Variants in CCDC3 observed in about 807,000 individuals in gnomAD.
CCDC3 encodes the protein coiled-coil domain-containing protein 3.
A neutral mutation model predicts 21.4 loss-of-function variants in CCDC3; 24 were observed. The ratio of observed to expected loss-of-function variants is 1.12; its 90% CI spans 0.81 to 1.58. The LOEUF (loss-of-function observed/expected upper bound fraction) is 1.58. CCDC3 is among the 40% of genes most tolerant of loss of function. The pLI is 0.00. For synonymous variants in CCDC3, 186 were observed against 166.0 expected (o/e 1.12, Z -0.93); for missense variants, 425 against 360.9 (o/e 1.18, Z -1.44).
At chr10:12,948,734 T>TG (rs200939218) in intron 2 of CCDC3, among the ~76,000 whole-genome samples, 9,658 of 134,184 alleles carry the variant, frequency 0.072, 448 homozygotes, top group African/African-American at 0.13. Context: ...GGCAGTTTTT[T>TG]TTTTTTTTTT....
At chr10:12,917,009 CTG>C (rs1834367448) in intron 2 of CCDC3, among the ~76,000 whole-genome samples, 2 of 152,066 alleles carry the variant, frequency 1.3e-5, no homozygotes. Flanking sequence ...GAGTCTGGGG[CTG>C]TGAGGCCCTT....
Position 12,904,468 on chromosome 10 carries a change from TAAAAAAAAAAAA to T in CCDC3, c.550-5801_550-5790del, listed in dbSNP as rs55772750. ...TAAGTTACAGAGCAAAAGCCAGTCT[TAAAAAAAAAAAA>T]AAAAAAAAAAAGACTGGCTCAGGCT... On this transcript the variant is annotated intron_variant, in intron 2 of 2. Transcript: ENST00000378825. 6.0e-3 allele frequency among the ~76,000 whole-genome samples: 244 copies of T among 40,928 alleles called. 7 individuals are homozygous for T. Among genetic ancestry groups the T allele is most frequent in the Middle Eastern group, 0.028 (1 of 36 alleles). The allele number at this position is 40,928 out of a possible 152,430, so 26.9% of individuals were successfully genotyped here. A position where few individuals can be genotyped will look rare whatever the true frequency, so the allele number is the denominator to read the frequency against.
At chr10:12,965,097 G>A (rs1217720215) in intron 2 of CCDC3, among the ~76,000 whole-genome samples, 1 of 152,106 alleles carries the variant, frequency 6.6e-6, no homozygotes, top group Admixed American at 6.6e-5. Flanking sequence ...TCACACCCAA[G>A]GTTTGTCACA....
intron 2 of CCDC3, among the ~76,000 whole-genome samples, chr10:12,947,190 C>G (rs1834928494): frequency 6.6e-6 from 1 of 151,952 alleles, no homozygotes; most frequent in South Asian, 2.1e-4. Flanking sequence ...CTTGGTAGCC[C>G]AGGCTGGAGT....
chr10:12,942,229 G>C lies in CCDC3; in HGVS notation c.550-43550C>G, dbSNP rs183204917. 1.8e-4 allele frequency among the ~76,000 whole-genome samples: 28 copies of C among 152,250 alleles called. No homozygotes were observed. The East Asian group carries it at 4.4e-3, about 24-fold the overall frequency. ...ATATTACTAAAAAGCTTTGCTACCA[G>C]AGCAAGTAATCTTAACTTCTTCCAT... On this transcript the variant is annotated intron_variant, in intron 2 of 2. Transcript: ENST00000378825.
Position 12,987,361 on chromosome 10 carries a change from A to C in CCDC3, c.549+10977T>G, listed in dbSNP as rs1439202967. On this transcript the variant is annotated intron_variant, in intron 2 of 2. Transcript: ENST00000378825. ...ATGGAATAAACGCCCATCTGCCTGG[A>C]GATCTTATGGGATATATGGGGCTAT... is the stretch of plus-strand genomic sequence containing the variant. 4.6e-5 allele frequency among the ~76,000 whole-genome samples: 7 copies of C among 152,334 alleles called. No homozygotes were observed. The East Asian group carries it at 1.2e-3, about 25-fold the overall frequency.
At chr10:12,991,335 C>A (rs901126070) in intron 2 of CCDC3, among the ~76,000 whole-genome samples, 2 of 148,668 alleles carry the variant, frequency 1.3e-5, no homozygotes, top group Admixed American at 1.3e-4. Flanking sequence ...GTTTTTTTTT[C>A]CTTGAGAGGG....
At chr10:13,085,590 T>C (rs1360734603) in intron 3 of CCDC3, among the ~76,000 whole-genome samples, 1 of 152,190 alleles carries the variant, frequency 6.6e-6, no homozygotes, top group Non-Finnish European at 1.5e-5. Context: ...CAACATTTTG[T>C]TTAATTCAAA....
intron 4 of CCDC3, among the ~76,000 whole-genome samples, chr10:13,070,691 T>G (rs539034566): frequency 1.2e-4 from 19 of 152,210 alleles, no homozygotes; most frequent in Non-Finnish European, 2.5e-4. Flanking sequence ...TTTGAGATTC[T>G]CTGTGGAACA....
At chr10:13,069,209 T>C in intron 4 of CCDC3, among the ~76,000 whole-genome samples, 1 of 152,214 alleles carries the variant, frequency 6.6e-6, no homozygotes, top group Non-Finnish European at 1.5e-5. Context: ...GAGCCGAGAT[T>C]GTGCCATTGC....
At chr10:13,045,945 C>T (rs915447365) in intron 5 of CCDC3, among the ~76,000 whole-genome samples, 4 of 151,530 alleles carry the variant, frequency 2.6e-5, no homozygotes, top group African/African-American at 4.8e-5. Flanking sequence ...AAAAATTAGC[C>T]GGGTGCGGTG....
intron 5 of CCDC3, among the ~76,000 whole-genome samples, chr10:13,008,883 G>A (rs1835954249): frequency 6.6e-6 from 1 of 152,084 alleles, no homozygotes; most frequent in Non-Finnish European, 1.5e-5. Context: ...AACAAGACAA[G>A]GATGTTCAGT....
chr10:13,098,882 A>T (rs1226466398), intron 2 of CCDC3, among the ~76,000 whole-genome samples: 1 of 151,286 alleles, frequency 6.6e-6, no homozygotes, highest in Non-Finnish European at 1.5e-5. Flanking sequence ...ATGCCCGGCT[A>T]ATTTTTGTAT....
intron 5 of CCDC3, among the ~76,000 whole-genome samples, chr10:13,035,213 T>G (rs1836363771): frequency 6.6e-6 from 1 of 152,016 alleles, no homozygotes; most frequent in African/African-American, 2.4e-5. Flanking sequence ...TCTTCTTGGC[T>G]TTAGTGCATT....
intron 2 of CCDC3, among the ~76,000 whole-genome samples, chr10:12,995,729 C>T (rs1481733057): frequency 6.6e-6 from 1 of 152,148 alleles, no homozygotes; most frequent in East Asian, 1.9e-4. Context: ...TTCTCTGAGC[C>T]TGGAATGCTC....
chr10:12,955,986 AT>A (rs1189451326), intron 2 of CCDC3, among the ~76,000 whole-genome samples: 1 of 151,976 alleles, frequency 6.6e-6, no homozygotes. Context: ...GGGATTACAG[AT>A]GTCAGCCACA....
intron 5 of CCDC3, among the ~76,000 whole-genome samples, chr10:13,032,045 G>A (rs1836311397): frequency 6.6e-6 from 1 of 152,082 alleles, no homozygotes; most frequent in Admixed American, 6.6e-5. Context: ...CCAAAAAAGA[G>A]AATTTTAGAC....
intron 2 of CCDC3, among the ~76,000 whole-genome samples, chr10:12,956,393 G>A (rs1439467011): frequency 3.3e-5 from 5 of 152,116 alleles, no homozygotes; most frequent in African/African-American, 1.2e-4. Context: ...TGTCATGGCT[G>A]CCGTGTCCCT....
intron 2 of CCDC3, among the ~76,000 whole-genome samples, chr10:12,944,816 T>C (rs913231592): frequency 1.3e-5 from 2 of 152,252 alleles, no homozygotes; most frequent in African/African-American, 4.8e-5. Context: ...GGATACTTAA[T>C]GTCTCATTGT....
Sources: allele counts gnomAD v4.1 joint callset (sites outside exome capture counted in the v4.1 genomes callset), GRCh38; gene constraint gnomAD v4.1.1; transcripts MANE v1.5; gene names NCBI Gene and HGNC (gene_info 2026-07-23, HGNC 2026-07-21).